Variants in GRAP2 observed in about 807,000 individuals in gnomAD.
The protein encoded by GRAP2 is GRB2 related adaptor protein 2.
In GRAP2, 31 loss-of-function variants were observed where a neutral mutation model predicts 43.5. That is an observed-to-expected ratio of 0.71 (90% CI 0.54 to 0.96). The LOEUF (loss-of-function observed/expected upper bound fraction) is 0.96, where lower values mean the gene tolerates loss of function less well. Ranked by LOEUF, GRAP2 falls within the 40% of genes least tolerant of loss-of-function variation. The probability of loss-of-function intolerance (pLI) is 0.00; values close to 1 mark genes in which losing one functional copy is unlikely to be tolerated. For missense variants in GRAP2, 371 were observed against 424.4 expected, an observed-to-expected ratio of 0.87 and a Z score of 1.11; for synonymous variants, 156 against 164.8, an observed-to-expected ratio of 0.95 and a Z score of 0.41.
At chr22:39,905,581 G>A (rs1453066711) in intron 1 of GRAP2, among the ~76,000 whole-genome samples, 1 of 152,112 alleles carries the variant, frequency 6.6e-6, no homozygotes, top group African/African-American at 2.4e-5. Context: ...TACATTTAAG[G>A]TTCCTAAAAC....
rs561341837 is a variant in GRAP2, at chr22:39,966,220, A to G, written c.459+62A>G. ...TTTAGGCAGCCTGAGTTCTCACATG[A>G]ACCACCAGGAAAAATGCATAGGATG... is the stretch of plus-strand genomic sequence containing the variant. On this transcript the variant is annotated intron_variant, in intron 5 of 7. Transcript: ENST00000344138. The G allele has an allele frequency of 2.2e-6, 3 of 1,336,400 alleles. No homozygotes were observed. The South Asian group carries it at 3.6e-5, about 16-fold the overall frequency. 82.8% of individuals were successfully genotyped at this position (1,336,400 alleles called of 1,614,324 possible). A position where few individuals can be genotyped will look rare whatever the true frequency, so the allele number is the denominator to read the frequency against.
chr22:39,896,542 A>G (rs1269591998), upstream of GRAP2, among the ~76,000 whole-genome samples: 1 of 152,172 alleles, frequency 6.6e-6, no homozygotes, highest in Non-Finnish European at 1.5e-5. Context: ...ACAGTTGAAT[A>G]GAGATAACTG....
At chr22:39,966,253 C>A (rs1268462301) in intron 5 of GRAP2, 95 bp downstream of exon 5, 61 of 901,864 alleles carry the variant, frequency 6.8e-5, no homozygotes, top group South Asian at 5.9e-4. Flanking sequence ...ATGGGTAGAT[C>A]CTCTGAGTAT....
intron 4 of GRAP2, chr22:39,964,393 G>A: frequency 3.9e-6 from 3 of 772,446 alleles, no homozygotes; most frequent in Non-Finnish European, 6.7e-6. Context: ...CCACGAAGGT[G>A]GCAAGAAGAA....
upstream of GRAP2, among the ~76,000 whole-genome samples, chr22:39,898,706 G>C (rs906317478): frequency 1.2e-4 from 19 of 152,068 alleles, no homozygotes; most frequent in Admixed American, 4.6e-4. Context: ...CCAGCTACTC[G>C]GGAGGCTGAG....
chr22:39,955,534 G>A (rs1034416302), intron 2 of GRAP2, among the ~76,000 whole-genome samples: 2 of 152,084 alleles, frequency 1.3e-5, no homozygotes, highest in African/African-American at 2.4e-5. Context: ...ATTCAGGGAA[G>A]TCCTTGAGTG....
At chr22:39,956,012 A>C (rs1879649673) in intron 3 of GRAP2, 102 bp downstream of exon 3, 1 of 699,890 alleles carries the variant, frequency 1.4e-6, no homozygotes, top group African/African-American at 1.8e-5. Context: ...ACATTGTCAA[A>C]AATGGCTGCC....
At chr22:39,925,467 C>T (rs976020115) in intron 1 of GRAP2, among the ~76,000 whole-genome samples, 1 of 152,140 alleles carries the variant, frequency 6.6e-6, no homozygotes, top group African/African-American at 2.4e-5. Context: ...CAAGTGCAGC[C>T]TGTACACAAA....
At position 39,940,972 on chromosome 22, in the gene GRAP2, T is replaced by G. The variant is rs980483091; in HGVS notation, c.-14-6121T>G. The stretch of plus-strand genomic sequence containing the variant: ...GATGGTTTGGGGTGCACCATTGCCC[T>G]CTATTGGATTTTAAATAAATCAGAC... On this transcript the variant is annotated intron_variant, in intron 1 of 7. Transcript: ENST00000344138. Among the ~76,000 whole-genome samples, 14 of 152,288 alleles carry G rather than the reference T, an allele frequency of 9.2e-5. No homozygotes were observed. The South Asian group carries it at 1.2e-3, about 14-fold the overall frequency.
At chr22:39,969,925 A>G (rs1405595462) in intron 7 of GRAP2, among the ~76,000 whole-genome samples, 6 of 152,108 alleles carry the variant, frequency 3.9e-5, no homozygotes, top group Non-Finnish European at 8.8e-5. Context: ...AAAAAACAAA[A>G]CAAAACAAAA....
intron 1 of GRAP2, among the ~76,000 whole-genome samples, chr22:39,930,479 A>C (rs1380989597): frequency 6.6e-6 from 1 of 152,212 alleles, no homozygotes; most frequent in Non-Finnish European, 1.5e-5. Context: ...ATAATGTGTA[A>C]AGTACTTACT....
chr22:39,966,495 G>GT (rs1333171959), intron 5 of GRAP2, among the ~76,000 whole-genome samples: 3 of 152,168 alleles, frequency 2.0e-5, no homozygotes, highest in African/African-American at 4.8e-5. Flanking sequence ...CACAGGTGCT[G>GT]TTTTTTTGTT....
intron 5 of GRAP2, 138 bp from the exon 6 acceptor site, chr22:39,967,904 T>C: frequency 1.8e-6 from 2 of 1,105,260 alleles, no homozygotes; most frequent in Non-Finnish European, 2.5e-6. Flanking sequence ...GCATCAATTA[T>C]CTTTTAGCTG....
chr22:39,950,588 C>T (rs981925814), intron 2 of GRAP2, among the ~76,000 whole-genome samples: 3 of 152,232 alleles, frequency 2.0e-5, no homozygotes, highest in Non-Finnish European at 2.9e-5. Flanking sequence ...ATGCCAGGTT[C>T]GTCTTTGTGT....
Position 39,968,102 on chromosome 22 carries a change from G to A in GRAP2, c.520G>A (p.Val174Met). Residue 174 changes from valine (V) to methionine (M), a missense_variant, in exon 6 of 8, where the codon GTG becomes ATG. Transcript: ENST00000344138. ...GGGAGGCCCACACCTCAGTGGGGCT[G>A]TGGGAGAAGAAATCCGACCTTCGAT... ...SQGGPHLSGA[V>M]GEEIRPSMNR... 3 of 1,611,498 alleles carry A rather than the reference G, an allele frequency of 1.9e-6. No individual in the cohort carries two copies. The highest frequency in any genetic ancestry group is 2.5e-6 in the Non-Finnish European group (3 of 1,178,806).
intron 1 of GRAP2, among the ~76,000 whole-genome samples, chr22:39,932,711 T>A (rs531503464): frequency 2.4e-3 from 351 of 147,564 alleles, no homozygotes; most frequent in Admixed American, 4.2e-3. Context: ...GAATGATACC[T>A]GTCTCAAAAA....
intron 2 of GRAP2, 162 bp downstream of exon 2, chr22:39,947,346 C>T (rs749057436): frequency 2.4e-5 from 15 of 617,814 alleles, no homozygotes; most frequent in East Asian, 5.5e-5. Context: ...CCAACCAGGC[C>T]GGGTGATGGA....
chr22:39,970,341 A>G (rs5750888), intron 7 of GRAP2, among the ~76,000 whole-genome samples: 3 of 152,100 alleles, frequency 2.0e-5, no homozygotes, highest in Admixed American at 2.0e-4. Context: ...TCAGCCTCCC[A>G]CAGTGCTGGG....
intron 2 of GRAP2, among the ~76,000 whole-genome samples, chr22:39,949,000 C>T (rs1446668382): frequency 6.6e-6 from 1 of 152,212 alleles, no homozygotes; most frequent in Non-Finnish European, 1.5e-5. Flanking sequence ...GCAACTATCA[C>T]CTCTGTGCCA....
Sources: allele counts gnomAD v4.1 joint callset (sites outside exome capture counted in the v4.1 genomes callset), GRCh38; gene constraint gnomAD v4.1.1; transcripts MANE v1.5; gene names NCBI Gene and HGNC (gene_info 2026-07-23, HGNC 2026-07-21).